CDH13: variants seen among roughly 807,000 people sequenced by gnomAD.
CDH13 encodes cadherin-13.
In CDH13, 24 loss-of-function variants were observed where a neutral mutation model predicts 63.8. The ratio of observed to expected loss-of-function variants is 0.38; its 90% CI spans 0.27 to 0.53. The LOEUF (loss-of-function observed/expected upper bound fraction) is 0.53. Ranked by LOEUF, CDH13 falls within the 20% of genes least tolerant of loss-of-function variation. CDH13 has a pLI of 0.85. For missense variants in CDH13, 1,049 were observed against 903.1 expected (o/e 1.16, Z -2.07); for synonymous variants, 503 against 355.3 (o/e 1.42, Z -4.67).
chr16:82,958,427 C>A (rs774084005), intron 2 of CDH13, among the ~76,000 whole-genome samples: 2 of 151,938 alleles, frequency 1.3e-5, no homozygotes, highest in Non-Finnish European at 2.9e-5. Context: ...TGGAAAGGAC[C>A]CAGTGATGGT....
intron 8 of CDH13, among the ~76,000 whole-genome samples, chr16:83,662,355 C>T (rs2150839601): frequency 1.3e-5 from 2 of 152,248 alleles, no homozygotes; most frequent in South Asian, 4.2e-4. Context: ...ACATGCAAAT[C>T]CTTTTAGCAA....
At chr16:83,466,980 C>G (rs2151533242) in intron 6 of CDH13, among the ~76,000 whole-genome samples, 1 of 152,156 alleles carries the variant, frequency 6.6e-6, no homozygotes, top group East Asian at 1.9e-4. Flanking sequence ...TCCTGATAGT[C>G]TCTGCTTTAT....
At chr16:83,104,316 A>T (rs1284795624) in intron 3 of CDH13, among the ~76,000 whole-genome samples, 1 of 152,180 alleles carries the variant, frequency 6.6e-6, no homozygotes, top group Non-Finnish European at 1.5e-5. Context: ...GAGACATCGC[A>T]TACATTATTG....
intron 2 of CDH13, among the ~76,000 whole-genome samples, chr16:82,903,293 T>C (rs560736285): frequency 6.6e-6 from 1 of 152,338 alleles, no homozygotes; most frequent in East Asian, 1.9e-4. Flanking sequence ...CCCTATTGAA[T>C]CATGGGTTTC....
chr16:83,030,246 A>G (rs986079435), intron 2 of CDH13, among the ~76,000 whole-genome samples: 5 of 152,166 alleles, frequency 3.3e-5, no homozygotes, highest in Non-Finnish European at 5.9e-5. Flanking sequence ...CTTTGATGCA[A>G]CACTGAACTC....
At chr16:82,977,164 A>T (rs1372532235) in intron 2 of CDH13, among the ~76,000 whole-genome samples, 7 of 152,202 alleles carry the variant, frequency 4.6e-5, no homozygotes, top group Non-Finnish European at 8.8e-5. Flanking sequence ...CTCCATTTTG[A>T]ATTGCCCTTG....
chr16:83,461,766 A>T (rs551305438), intron 6 of CDH13, among the ~76,000 whole-genome samples: 7 of 152,234 alleles, frequency 4.6e-5, no homozygotes, highest in Non-Finnish European at 8.8e-5. Flanking sequence ...AATGTAAAAG[A>T]TCAGCTTGTA....
intron 5 of CDH13, among the ~76,000 whole-genome samples, chr16:83,302,248 G>C (rs948169768): frequency 6.6e-6 from 1 of 152,066 alleles, no homozygotes; most frequent in Non-Finnish European, 1.5e-5. Flanking sequence ...TTTACTTCCC[G>C]GATATTCATC....
chr16:83,743,320 G>T (rs1247487945), intron 10 of CDH13, among the ~76,000 whole-genome samples: 1 of 152,170 alleles, frequency 6.6e-6, no homozygotes, highest in African/African-American at 2.4e-5. Context: ...GAAAAAGAGT[G>T]AGACATTGTC....
chr16:83,368,839 A>G, intron 6 of CDH13, among the ~76,000 whole-genome samples: 1 of 127,342 alleles, frequency 7.9e-6, no homozygotes, highest in Admixed American at 8.1e-5. Context: ...TTCTGTGAAT[A>G]CCATTATTTC....
At chr16:83,107,298 A>C (rs1346938266) in intron 3 of CDH13, among the ~76,000 whole-genome samples, 1 of 147,620 alleles carries the variant, frequency 6.8e-6, no homozygotes, top group Non-Finnish European at 1.5e-5. Flanking sequence ...AAATTTTGAA[A>C]AAGAGTTCGT....
intron 8 of CDH13, among the ~76,000 whole-genome samples, chr16:83,610,881 G>C (rs973393047): frequency 1.3e-5 from 2 of 152,176 alleles, no homozygotes; most frequent in Non-Finnish European, 2.9e-5. Context: ...TTCCACCAGA[G>C]TAGTTAACTC....
chr16:82,638,430 A>T (rs917088797), intron 1 of CDH13, among the ~76,000 whole-genome samples: 2 of 152,178 alleles, frequency 1.3e-5, no homozygotes, highest in Admixed American at 6.5e-5. Context: ...AAAACAACTG[A>T]AAAGGAATAT....
chr16:82,787,743 G>A (rs1234498732), intron 1 of CDH13, among the ~76,000 whole-genome samples: 1 of 143,064 alleles, frequency 7.0e-6, no homozygotes, highest in Non-Finnish European at 1.5e-5. Flanking sequence ...CATTAATCAT[G>A]CTCTTGATTT....
intron 6 of CDH13, among the ~76,000 whole-genome samples, chr16:83,400,195 G>C (rs575409374): frequency 4.5e-4 from 69 of 152,038 alleles, no homozygotes; most frequent in Non-Finnish European, 7.4e-4. Flanking sequence ...GGGACTCCTT[G>C]ATGGCCACGA....
chr16:83,051,182 C>T (rs751634520), intron 3 of CDH13, among the ~76,000 whole-genome samples: 7 of 152,204 alleles, frequency 4.6e-5, no homozygotes, highest in Non-Finnish European at 1.0e-4. Flanking sequence ...GCTTACTGAG[C>T]CACAACGAAA....
At chr16:83,286,628 C>A (rs76869073) in intron 5 of CDH13, among the ~76,000 whole-genome samples, 1 of 151,736 alleles carries the variant, frequency 6.6e-6, no homozygotes, top group Non-Finnish European at 1.5e-5. Flanking sequence ...TGGCAGCATG[C>A]GCTGGTAGTC....
chr16:83,569,184 C>G lies in CDH13; in HGVS notation c.961-33270C>G, dbSNP rs1001577573. On this transcript the variant is annotated intron_variant, in intron 7 of 13. Transcript: ENST00000567109. ...ACATGCTCTTCCTCCAGCCTTTGCA[C>G]TCTTTCCTTCCCTCGTCCACCTGGG... Among the ~76,000 whole-genome samples, 9 of 152,228 alleles carry G rather than the reference C, an allele frequency of 5.9e-5. No individual in the cohort carries two copies. The East Asian group carries it at 1.6e-3, about 26-fold the overall frequency.
At chr16:83,235,374 G>A (rs75363126) in intron 5 of CDH13, among the ~76,000 whole-genome samples, 9 of 152,176 alleles carry the variant, frequency 5.9e-5, no homozygotes, top group African/African-American at 1.7e-4. Context: ...ACCATAGAGC[G>A]TTGCTATGAG....
Sources: gnomAD v4.1 joint callset for allele counts (sites outside exome capture counted in the v4.1 genomes callset) on GRCh38, gnomAD v4.1.1 for gene constraint, MANE v1.5 for transcripts, NCBI Gene and HGNC (gene_info 2026-07-23, HGNC 2026-07-21) for gene names.